The following PHRF1 variants were observed in gnomAD, a reference collection of about 807,000 sequenced individuals.
PHRF1 encodes the protein PHD and RING finger domain-containing protein 1.
A neutral mutation model predicts 128.9 loss-of-function variants in PHRF1; 53 were observed. The ratio of observed to expected loss-of-function variants is 0.41; its 90% confidence interval spans 0.33 to 0.52. The LOEUF (loss-of-function observed/expected upper bound fraction) is 0.52, where lower values mean the gene tolerates loss of function less well. Ranked by LOEUF, PHRF1 falls within the 20% of genes least tolerant of loss-of-function variation. PHRF1 has a pLI of 0.21. For synonymous variants in PHRF1, 1,178 were observed against 980.6 expected, an observed-to-expected ratio of 1.20 and a Z score of -3.76; for missense variants, 2,503 against 2,284.5, an observed-to-expected ratio of 1.10 and a Z score of -1.95.
At position 611,737 on chromosome 11, in the gene PHRF1, A is replaced by T; in HGVS notation, c.4910A>T (p.Glu1637Val). 1 of 1,612,282 alleles carries T rather than the reference A, an allele frequency of 6.2e-7. No individual in the cohort carries two copies. Among genetic ancestry groups the T allele is most frequent in the African/African-American group, 1.3e-5 (1 of 75,054 alleles). Residue 1637 changes from glutamate to valine, a missense_variant, in exon 18 of 18, where the codon GAG becomes GTG. Transcript: ENST00000264555. ...CACATGCGCAGGCACAAGAAACCAG[A>T]GGCCGGGGAGGAGCCGCCCACGCAG... The part of the protein sequence containing the change: ...YRHMRRHKKP[E>V]AGEEPPTQGA...
At position 607,301 on chromosome 11, in the gene PHRF1, C is replaced by G. The variant is rs1322856967; in HGVS notation, c.1845C>G (p.Asn615Lys). The G allele has an allele frequency of 6.2e-7, 1 of 1,612,584 alleles. No individual in the cohort carries two copies. Among genetic ancestry groups the G allele is most frequent in the Non-Finnish European group, 8.5e-7 (1 of 1,179,890 alleles). ...CCCCTGGGGCGGTTCAGGCTCGGAA[C>G]TTGTCAAATGGGAGTGTGCCTGGCT... ...PAAPGAVQAR[N>K]LSNGSVPGFR... Residue 615 changes from asparagine (N) to lysine (K), a missense_variant, in exon 14 of 18, where the codon AAC (asparagine) becomes AAG (lysine). By Grantham distance (94) the Asn-to-Lys change is moderately conservative (BLOSUM62 0). Coordinates refer to ENST00000264555, the MANE Select transcript of PHRF1 (RefSeq NM_001286581.2).
rs1262087541 is a variant in PHRF1 at position 610,617 on chromosome 11, C to T, written c.4533C>T (p.Gly1511=). ...FILQGSLPLV[G]CGAAQTLAPV... is the part of the protein sequence containing the mutation. ...TTCAGGGGAGCCTGCCGCTAGTGGG[C>T]TGTGGGGCAGCACAGACCCTGGCCC... is the stretch of plus-strand genomic sequence containing the variant. The change falls in exon 16 of 18, where the codon GGC becomes GGT. Residue 1511 remains glycine, a synonymous_variant. Coordinates refer to ENST00000264555, the MANE Select transcript of PHRF1 (RefSeq NM_001286581.2). The T allele has an allele frequency of 1.2e-6, 2 of 1,606,196 alleles. No individual in the cohort carries two copies. Among genetic ancestry groups the T allele is most frequent in the Non-Finnish European group, 1.7e-6 (2 of 1,179,806 alleles).
intron 6 of PHRF1, among the ~76,000 whole-genome samples, chr11:595,679 C>G (rs1304100250): frequency 2.0e-5 from 3 of 152,282 alleles, no homozygotes; most frequent in Non-Finnish European, 4.4e-5. Flanking sequence ...GGGCGCCTGC[C>G]AGGCGCAGAG....
In PHRF1 at chr11:607,829, C is replaced by T. The variant is rs1564865015; in HGVS notation, c.2373C>T (p.Leu791=). 6.8e-6 allele frequency: 11 copies of T among 1,612,820 alleles called. No homozygotes were observed. The highest frequency in any genetic ancestry group is 2.2e-5 in the East Asian group (1 of 44,884). Residue 791 remains leucine (L), a synonymous_variant, in exon 14 of 18, where the codon CTC becomes CTT. Transcript: ENST00000264555. The stretch of plus-strand genomic sequence containing the variant: ...GAAACATGGCACATTCCAGCCAGCT[C>T]TCCAGCCCTGGCTTCTGTAACACGT... ...IPGNMAHSSQ[L]SSPGFCNTFR...
chr11:610,937 A>G lies in PHRF1; in HGVS notation c.4678-17A>G, dbSNP rs1856349365. ...CCGGCTCCCTTCCTGGCCGCATCACACACATGTCCCCTCTAGTACATGAAG... is the reference window on the plus strand; with the variant it reads ...CCGGCTCCCTTCCTGGCCGCATCACGCACATGTCCCCTCTAGTACATGAAG... On this transcript the variant is annotated splice_polypyrimidine_tract_variant and intron_variant, in intron 16 of 17. Coordinates refer to ENST00000264555, the MANE Select transcript of PHRF1 (RefSeq NM_001286581.2). 3.7e-6 allele frequency: 6 copies of G among 1,610,936 alleles called. No homozygotes were observed. The highest frequency in any genetic ancestry group is 5.1e-6 in the Non-Finnish European group (6 of 1,178,530).
chr11:581,485 C>T lies in PHRF1; in HGVS notation c.-21-7C>T, dbSNP rs375877707. On this transcript the variant is annotated splice_polypyrimidine_tract_variant and splice_region_variant and intron_variant, in intron 1 of 17. Transcript: ENST00000264555. Reference sequence around the variant, plus strand: ...TTTGGAAGTTGCTTGGCTCTTCTTTCTTTCAGAGCTGAGCTCAATGTGCAG... The same window carrying T: ...TTTGGAAGTTGCTTGGCTCTTCTTTTTTTCAGAGCTGAGCTCAATGTGCAG... The T allele has an allele frequency of 1.8e-4, 298 of 1,611,320 alleles. No individual in the cohort carries two copies. Among genetic ancestry groups the T allele is most frequent in the Non-Finnish European group, 2.3e-4 (275 of 1,178,838 alleles).
At position 610,646 on chromosome 11, in the gene PHRF1, T is replaced by C. The variant is rs773097308; in HGVS notation, c.4562T>C (p.Val1521Ala). The C allele has an allele frequency of 6.2e-7, 1 of 1,604,636 alleles. No homozygotes were observed. Among genetic ancestry groups the C allele is most frequent in the Non-Finnish European group, 8.5e-7 (1 of 1,179,812 alleles). ...GGGGCAGCACAGACCCTGGCCCCAG[T>C]GCCCGCTGCCCTGACCCCAGCCTCA... ...GCGAAQTLAP[V>A]PAALTPASEP... The change falls in exon 16 of 18, where the codon GTG becomes GCG. Residue 1521 changes from valine (V) to alanine (A), a missense_variant. Coordinates refer to ENST00000264555, the MANE Select transcript of PHRF1 (RefSeq NM_001286581.2).
intron 10 of PHRF1, 21 bp from the exon 11 acceptor site, chr11:605,098 T>C (rs1009479611): frequency 3.1e-6 from 5 of 1,594,810 alleles, no homozygotes; most frequent in Non-Finnish European, 4.3e-6. Flanking sequence ...TGTTCATCTT[T>C]TTCTTTGTTA....
At chr11:580,311 G>A (rs974817711) in intron 1 of PHRF1, among the ~76,000 whole-genome samples, 5 of 152,214 alleles carry the variant, frequency 3.3e-5, no homozygotes, top group Non-Finnish European at 2.9e-5. Flanking sequence ...AAGGAGGAGC[G>A]TGTCCAACTA....
rs778016734 is a variant in PHRF1 at position 610,177 on chromosome 11, C to T, written c.4265-19C>T. The T allele has an allele frequency of 2.4e-5, 36 of 1,486,726 alleles. No homozygotes were observed. The Admixed American group carries it at 8.2e-4, about 34-fold the overall frequency. The allele number at this position is 1,486,726 out of a possible 1,614,324, so 92.1% of individuals were successfully genotyped here. ...GGGTGGGCACAGAGCACCCACCTCCCTGTCTGTCGGGCCCCCAGGGGCACC... is the reference window on the plus strand; with the variant it reads ...GGGTGGGCACAGAGCACCCACCTCCTTGTCTGTCGGGCCCCCAGGGGCACC... On this transcript the variant is annotated intron_variant, in intron 14 of 17. Transcript: ENST00000264555.
intron 1 of PHRF1, among the ~76,000 whole-genome samples, chr11:577,399 C>T (rs1258530919): frequency 2.0e-5 from 3 of 152,216 alleles, no homozygotes; most frequent in Non-Finnish European, 2.9e-5. Context: ...CACGTTCTGG[C>T]CAGTGGTCAA....
intron 1 of PHRF1, among the ~76,000 whole-genome samples, chr11:581,146 A>G (rs1005141793): frequency 6.8e-6 from 1 of 146,612 alleles, no homozygotes; most frequent in Non-Finnish European, 1.5e-5. Context: ...ACAAATTTTT[A>G]TTTTCTGGCC....
At chr11:590,450 AC>A in intron 4 of PHRF1, among the ~76,000 whole-genome samples, 1 of 152,184 alleles carries the variant, frequency 6.6e-6, no homozygotes, top group Non-Finnish European at 1.5e-5. Flanking sequence ...CCCAGGGAAG[AC>A]GTACCTAACC....
At position 607,266 on chromosome 11, in the gene PHRF1, T is replaced by G; in HGVS notation, c.1810T>G (p.Leu604Val). ...CGCGGGGGCGCCTGTGAGGCTGGAC[T>G]TGCCAGCAGCCCCTGGGGCGGTTCA... ...RTAGAPVRLD[L>V]PAAPGAVQAR... The change falls in exon 14 of 18, where the codon TTG becomes GTG. Residue 604 changes from leucine (L) to valine (V), a missense_variant. Physicochemically the swap from Leu to Val is conservative, Grantham distance 32. Transcript: ENST00000264555. 6.2e-7 allele frequency: 1 copy of G among 1,612,600 alleles called. No individual in the cohort carries two copies. The highest frequency in any genetic ancestry group is 8.5e-7 in the Non-Finnish European group (1 of 1,179,850).
chr11:583,194 C>T (rs1854317801), intron 3 of PHRF1, among the ~76,000 whole-genome samples: 1 of 151,758 alleles, frequency 6.6e-6, no homozygotes, highest in African/African-American at 2.4e-5. Context: ...GAAAAATTAG[C>T]CAGTCGTGTT....
intron 4 of PHRF1, among the ~76,000 whole-genome samples, chr11:588,824 C>T (rs1283852410): frequency 6.6e-6 from 1 of 151,996 alleles, no homozygotes; most frequent in African/African-American, 2.4e-5. Flanking sequence ...CATTTGCAAA[C>T]AAGTTTGTCA....
intron 3 of PHRF1, among the ~76,000 whole-genome samples, chr11:583,091 A>G (rs1033038372): frequency 6.6e-6 from 1 of 151,522 alleles, no homozygotes; most frequent in Non-Finnish European, 1.5e-5. Context: ...CTGTAATCCC[A>G]GCACTTTGGG....
At chr11:609,808 A>ACCGAGGACAGAGCCCCCCGTGAGTAG (rs1856248093) in intron 14 of PHRF1, 88 bp downstream of exon 14, 1 of 857,462 alleles carries the variant, frequency 1.2e-6, no homozygotes, top group African/African-American at 2.5e-5. Flanking sequence ...CCCGTGAGTA[A>ACCGAGGACAGAGCCCCCCGTGAGTAG]GGCCCCGGCC....
In PHRF1 at chr11:606,496, T is replaced by C. The variant is rs1396383053; in HGVS notation, c.1509T>C (p.Pro503=). The C allele has an allele frequency of 6.2e-7, 1 of 1,603,558 alleles. No homozygotes were observed. Among genetic ancestry groups the C allele is most frequent in the Non-Finnish European group, 8.5e-7 (1 of 1,177,598 alleles). ...PEPDLEEEPV[P]DLLGSILSGQ... ...CAGACTTGGAGGAGGAGCCAGTGCC[T>C]GACCTGCTGGGCAGCATCCTGTCGG... Residue 503 remains proline (P), a synonymous_variant, in exon 13 of 18, where the codon CCT becomes CCC. Coordinates refer to ENST00000264555, the MANE Select transcript of PHRF1 (RefSeq NM_001286581.2).
Sources: allele counts gnomAD v4.1 joint callset (sites outside exome capture counted in the v4.1 genomes callset), GRCh38; gene constraint gnomAD v4.1.1; transcripts MANE v1.5; gene names NCBI Gene and HGNC (gene_info 2026-07-23, HGNC 2026-07-21).